The following ZRANB3 variants were observed in gnomAD, a reference collection of about 807,000 sequenced individuals.
ZRANB3 encodes the protein DNA annealing helicase and endonuclease ZRANB3.
In ZRANB3, 125 loss-of-function variants were observed where a neutral mutation model predicts 133.8. That is an observed-to-expected ratio of 0.93 (90% CI 0.81 to 1.08). ZRANB3 has a LOEUF of 1.08. Ranked by LOEUF, ZRANB3 falls within the 50% of genes least tolerant of loss-of-function variation. The pLI is 0.00. For missense variants in ZRANB3, 1,229 were observed against 1,275.5 expected (o/e 0.96, Z 0.56); for synonymous variants, 387 against 432.7 (o/e 0.89, Z 1.31).
intron 12 of ZRANB3, among the ~76,000 whole-genome samples, chr2:135,239,469 T>C (rs1695455356): frequency 6.6e-6 from 1 of 151,084 alleles, no homozygotes; most frequent in Non-Finnish European, 1.5e-5. Flanking sequence ...GCTGTTCCCA[T>C]ATTTGTAAAA....
intron 2 of ZRANB3, among the ~76,000 whole-genome samples, chr2:135,479,462 C>T (rs868425985): frequency 6.6e-6 from 1 of 152,048 alleles, no homozygotes; most frequent in Non-Finnish European, 1.5e-5. Flanking sequence ...TGGTGAAACC[C>T]CCATCTCTAC....
intron 2 of ZRANB3, among the ~76,000 whole-genome samples, chr2:135,492,119 G>A (rs1234778581): frequency 1.3e-5 from 2 of 152,012 alleles, no homozygotes; most frequent in African/African-American, 4.8e-5. Flanking sequence ...CATATTTAGT[G>A]GATCATAGAA....
At chr2:135,436,118 T>C (rs998356570) in intron 2 of ZRANB3, among the ~76,000 whole-genome samples, 2 of 152,302 alleles carry the variant, frequency 1.3e-5, no homozygotes, top group East Asian at 3.9e-4. Context: ...AGTTTTGGGT[T>C]TTACATTTGA....
At chr2:135,231,983 C>A (rs1456046395) in intron 12 of ZRANB3, among the ~76,000 whole-genome samples, 5 of 152,168 alleles carry the variant, frequency 3.3e-5, no homozygotes, top group Admixed American at 3.3e-4. Context: ...TTAGCTGAAG[C>A]AGGGCGAGGC....
chr2:135,236,871 C>T (rs1573732776), intron 12 of ZRANB3, among the ~76,000 whole-genome samples: 2 of 152,250 alleles, frequency 1.3e-5, no homozygotes, highest in African/African-American at 2.4e-5. Context: ...ATTCAGGACA[C>T]AGGCATGGGC....
intron 8 of ZRANB3, among the ~76,000 whole-genome samples, chr2:135,283,591 T>C (rs1347292165): frequency 6.7e-6 from 1 of 148,960 alleles, no homozygotes. Flanking sequence ...CACTCCAGCC[T>C]GGTGACAGAG....
At chr2:135,524,420 T>A (rs540230000) in intron 1 of ZRANB3, among the ~76,000 whole-genome samples, 2 of 152,280 alleles carry the variant, frequency 1.3e-5, no homozygotes, top group African/African-American at 4.8e-5. Context: ...TAACAAAGCA[T>A]AGAATGACCC....
At chr2:135,496,432 T>C (rs993876828) in intron 2 of ZRANB3, among the ~76,000 whole-genome samples, 29 of 136,158 alleles carry the variant, frequency 2.1e-4, no homozygotes, top group Non-Finnish European at 4.0e-4. Context: ...CAGATTAAGA[T>C]TATTTATTAA....
At chr2:135,319,898 A>G (rs1683437912) in intron 6 of ZRANB3, among the ~76,000 whole-genome samples, 1 of 152,240 alleles carries the variant, frequency 6.6e-6, no homozygotes, top group South Asian at 2.1e-4. Context: ...GAGAAGAGGA[A>G]GATGTGCTGA....
chr2:135,397,681 T>C (rs1467167782), intron 2 of ZRANB3, among the ~76,000 whole-genome samples: 2 of 152,300 alleles, frequency 1.3e-5, no homozygotes, highest in East Asian at 3.9e-4. Flanking sequence ...CTACTAAAAG[T>C]AACCATTGTT....
At chr2:135,398,240 G>A (rs1032807942) in intron 2 of ZRANB3, among the ~76,000 whole-genome samples, 4 of 151,032 alleles carry the variant, frequency 2.6e-5, no homozygotes, top group Non-Finnish European at 5.9e-5. Context: ...TAATTGTTTT[G>A]TTTTTTTAGT....
At chr2:135,489,224 C>T (rs974260975) in intron 2 of ZRANB3, among the ~76,000 whole-genome samples, 8 of 143,564 alleles carry the variant, frequency 5.6e-5, no homozygotes, top group African/African-American at 2.1e-4. Flanking sequence ...AAATTATAGT[C>T]AAATATGTTC....
intron 12 of ZRANB3, among the ~76,000 whole-genome samples, chr2:135,260,830 C>A (rs1349784039): frequency 1.4e-5 from 2 of 142,510 alleles, no homozygotes; most frequent in Non-Finnish European, 3.0e-5. Context: ...ACTATATATT[C>A]TATATATATA....
chr2:135,363,961 A>AACT (rs1487846841), intron 3 of ZRANB3, among the ~76,000 whole-genome samples: 9 of 152,138 alleles, frequency 5.9e-5, no homozygotes, highest in African/African-American at 2.2e-4. Flanking sequence ...CTGTAGTCAT[A>AACT]ACTACTGGGG....
intron 2 of ZRANB3, among the ~76,000 whole-genome samples, chr2:135,479,817 A>G (rs1234122860): frequency 6.6e-6 from 1 of 152,168 alleles, no homozygotes; most frequent in Non-Finnish European, 1.5e-5. Context: ...AATTAATACT[A>G]TTCAGAATGC....
At chr2:135,397,828 G>A (rs1687560686) in intron 2 of ZRANB3, among the ~76,000 whole-genome samples, 1 of 152,020 alleles carries the variant, frequency 6.6e-6, no homozygotes, top group Admixed American at 6.6e-5. Context: ...CCTAGATCAA[G>A]AGGAAAGCTG....
chr2:135,266,735 A>AG (rs1680267405), intron 11 of ZRANB3, among the ~76,000 whole-genome samples: 1 of 151,942 alleles, frequency 6.6e-6, no homozygotes, highest in Non-Finnish European at 1.5e-5. Flanking sequence ...ACCATACTCC[A>AG]GCCTGGGCGA....
intron 12 of ZRANB3, among the ~76,000 whole-genome samples, chr2:135,245,945 A>AAAAAAAAAAAAAAAAAAAAAAAAAAAAG: frequency 6.8e-6 from 1 of 146,574 alleles, no homozygotes; most frequent in Non-Finnish European, 1.5e-5. Flanking sequence ...AAAAAAAAAA[A>AAAAAAAAAAAAAAAAAAAAAAAAAAAAG]AAAGAGACAG....
intron 10 of ZRANB3, 30 bp from the exon 11 acceptor site, chr2:135,269,171 A>C: frequency 6.4e-7 from 1 of 1,554,428 alleles, no homozygotes; most frequent in Non-Finnish European, 8.7e-7. Flanking sequence ...TAAATTGAGA[A>C]TGTAACATAC....
Sources: allele counts gnomAD v4.1 joint callset (sites outside exome capture counted in the v4.1 genomes callset), GRCh38; gene constraint gnomAD v4.1.1; transcripts MANE v1.5; gene names NCBI Gene and HGNC (gene_info 2026-07-23, HGNC 2026-07-21).